The following ADAM33 variants were observed in gnomAD, a reference collection of about 807,000 sequenced individuals.
The protein encoded by ADAM33 is disintegrin and metalloproteinase domain-containing protein 33.
A neutral mutation model predicts 106.2 loss-of-function variants in ADAM33; 103 were observed. The observed-to-expected ratio is 0.97, with a 90% CI of 0.83 to 1.14. ADAM33 has a LOEUF of 1.14. Among genes scored for constraint, ADAM33 ranks in the 50% most tolerant of loss-of-function variants. The pLI is 0.00. For synonymous variants in ADAM33, 483 were observed against 453.0 expected, an observed-to-expected ratio of 1.07 and a Z score of -0.84; for missense variants, 1,120 against 1,096.6, an observed-to-expected ratio of 1.02 and a Z score of -0.30.
At chr20:3,677,859 C>G (rs2088110325) in intron 2 of ADAM33, among the ~76,000 whole-genome samples, 1 of 152,230 alleles carries the variant, frequency 6.6e-6, no homozygotes, top group Non-Finnish European at 1.5e-5. Flanking sequence ...TGGGAACACC[C>G]CACTTCCCCC....
chr20:3,673,642 C>T lies in ADAM33; in HGVS notation c.922G>A (p.Gly308Ser). ...ACGGGCGCCAGGCCCACTGTGGCGC[C>T]CTGGAAGGCGCGGCCCCTGGGGGCG... Reference protein sequence around the residue: ...AQLLTGRAFQGATVGLAPVEG... With the variant: ...AQLLTGRAFQSATVGLAPVEG... The change falls in exon 10 of 22, where the codon GGC (glycine) becomes AGC (serine). Residue 308 changes from glycine (G) to serine (S), a missense_variant. Transcript: ENST00000356518. The T allele has an allele frequency of 7.4e-7, 1 of 1,349,808 alleles. No individual in the cohort carries two copies. Among genetic ancestry groups the T allele is most frequent in the Non-Finnish European group, 9.5e-7 (1 of 1,058,092 alleles). The allele number at this position is 1,349,808 out of a possible 1,614,324, so 83.6% of individuals were successfully genotyped here. A position where few individuals can be genotyped will look rare whatever the true frequency, so the allele number is the denominator to read the frequency against.
rs778258391 is a variant in ADAM33 at position 3,673,506 on chromosome 20, C to T, written c.991-10G>A. 1 of 1,476,776 alleles carries T rather than the reference C, an allele frequency of 6.8e-7. No homozygotes were observed. The highest frequency in any genetic ancestry group is 2.5e-5 in the East Asian group (1 of 39,616). The allele number at this position is 1,476,776 out of a possible 1,614,324, so 91.5% of individuals were successfully genotyped here. A position where few individuals can be genotyped will look rare whatever the true frequency, so the allele number is the denominator to read the frequency against. Reference sequence around the variant, plus strand: ...GGAGCTCCGAGTGGTCCTGGGGGGCCGTGGGAGGGCGGTCACTGCGGCCGT... The same window carrying T: ...GGAGCTCCGAGTGGTCCTGGGGGGCTGTGGGAGGGCGGTCACTGCGGCCGT... On this transcript the variant is annotated splice_polypyrimidine_tract_variant and intron_variant, in intron 10 of 21. Coordinates refer to ENST00000356518, the MANE Select transcript of ADAM33 (RefSeq NM_025220.5).
chr20:3,673,230 C>T (rs1237628560), intron 11 of ADAM33, 124 bp downstream of exon 11: 1 of 1,533,502 alleles, frequency 6.5e-7, no homozygotes. Flanking sequence ...CACCCTGAAG[C>T]GGACACTATG....
chr20:3,673,666 C>A lies in ADAM33; in HGVS notation c.906-8G>T. The A allele has an allele frequency of 7.4e-7, 1 of 1,345,178 alleles. No homozygotes were observed. The highest frequency in any genetic ancestry group is 9.5e-7 in the Non-Finnish European group (1 of 1,055,496). The allele number at this position is 1,345,178 out of a possible 1,614,324, so 83.3% of individuals were successfully genotyped here. ...CCCTGGAAGGCGCGGCCCCTGGGGG[C>A]GGAGCGCGGCGTGACCAGGCGGGGC... On this transcript the variant is annotated splice_region_variant and splice_polypyrimidine_tract_variant and intron_variant, in intron 9 of 21. Coordinates refer to ENST00000356518, the MANE Select transcript of ADAM33 (RefSeq NM_025220.5).
chr20:3,673,937 G>A (rs2087754340), intron 8 of ADAM33, 26 bp from the exon 9 acceptor site: 13 of 1,570,790 alleles, frequency 8.3e-6, no homozygotes, highest in South Asian at 8.2e-5. Context: ...GGCTGAAGCC[G>A]GGACAGGGCG....
intron 16 of ADAM33, 33 bp downstream of exon 16, chr20:3,671,548 A>G: frequency 1.2e-6 from 2 of 1,610,428 alleles, no homozygotes; most frequent in Non-Finnish European, 8.5e-7. Flanking sequence ...CGGGATTCAA[A>G]CGGCAAGGAG....
At chr20:3,669,034 A>T in intron 21 of ADAM33, 34 bp from the exon 22 acceptor site, 1 of 1,612,954 alleles carries the variant, frequency 6.2e-7, no homozygotes, top group South Asian at 1.1e-5. Flanking sequence ...TCCCCTAAGG[A>T]CTGGGGCCCC....
At position 3,674,497 on chromosome 20, in the gene ADAM33, C is replaced by A. The variant is rs779341912; in HGVS notation, c.600+7G>T. On this transcript the variant is annotated splice_region_variant and intron_variant, in intron 6 of 21. Coordinates refer to ENST00000356518, the MANE Select transcript of ADAM33 (RefSeq NM_025220.5). Reference sequence around the variant, plus strand: ...ATTCCCACTCCCATCCGATCGATGCCCCTGACCCTGCTCTGGGGACCACCA... The same window carrying A: ...ATTCCCACTCCCATCCGATCGATGCACCTGACCCTGCTCTGGGGACCACCA... 1 of 1,612,596 alleles carries A rather than the reference C, an allele frequency of 6.2e-7. No homozygotes were observed. Among genetic ancestry groups the A allele is most frequent in the African/African-American group, 1.3e-5 (1 of 74,864 alleles).
At position 3,668,833 on chromosome 20, in the gene ADAM33, A is replaced by C; in HGVS notation, c.*130T>G. On this transcript the variant is annotated 3_prime_UTR_variant, in exon 22 of 22. Coordinates refer to ENST00000356518, the MANE Select transcript of ADAM33 (RefSeq NM_025220.5). ...GGTGGGTCGAAGCTCCACTCGGGGA[A>C]GAAACTTCCAAGCTGCCTGCAGGTG... 8.7e-7 allele frequency: 1 copy of C among 1,151,194 alleles called. No homozygotes were observed. The highest frequency in any genetic ancestry group is 2.4e-5 in the East Asian group (1 of 42,170). 71.3% of individuals were successfully genotyped at this position (1,151,194 alleles called of 1,614,324 possible).
At position 3,672,121 on chromosome 20, in the gene ADAM33, C is replaced by T. The variant is rs748487562; in HGVS notation, c.1597+13G>A. 3.1e-6 allele frequency: 5 copies of T among 1,605,628 alleles called. No homozygotes were observed. Among genetic ancestry groups the T allele is most frequent in the African/African-American group, 1.3e-5 (1 of 74,838 alleles). On this transcript the variant is annotated intron_variant, in intron 14 of 21. Coordinates refer to ENST00000356518, the MANE Select transcript of ADAM33 (RefSeq NM_025220.5). ...ATGGGGGGCAGGGTGCAAGGGTGCT[C>T]GTGTCCTCTCACCAGGCCCCCAGAG...
rs551275447 is a variant in ADAM33 at position 3,669,723 on chromosome 20, G to A, written c.2241-86C>T. ...CCCCGCAGCATGGTGTCCAGCCCAG[G>A]GAGTTCTGCGTTTACTGAGTTTCTT... On this transcript the variant is annotated intron_variant, in intron 19 of 21. Coordinates refer to ENST00000356518, the MANE Select transcript of ADAM33 (RefSeq NM_025220.5). The A allele has an allele frequency of 7.3e-5, 91 of 1,243,878 alleles. 2 individuals carry two copies. In the South Asian group the frequency reaches 1.1e-3, roughly 15 times the overall value. 77.1% of individuals were successfully genotyped at this position (1,243,878 alleles called of 1,614,324 possible).
chr20:3,672,474 A>G, intron 13 of ADAM33, 63 bp downstream of exon 13: 1 of 1,592,528 alleles, frequency 6.3e-7, no homozygotes, highest in Non-Finnish European at 8.6e-7. Flanking sequence ...CCAATTAACT[A>G]AGGCCAACAG....
intron 1 of ADAM33, 58 bp downstream of exon 1, chr20:3,681,850 C>T: frequency 6.4e-7 from 1 of 1,566,874 alleles, no homozygotes; most frequent in Non-Finnish European, 8.6e-7. Context: ...GAACCCATCC[C>T]CGCCACCACC....
In ADAM33 at chr20:3,673,416, G is replaced by C. The variant is rs1453593517; in HGVS notation, c.1071C>G (p.Pro357=). The C allele has an allele frequency of 1.9e-6, 3 of 1,565,850 alleles. No individual in the cohort carries two copies. Among genetic ancestry groups the C allele is most frequent in the African/African-American group, 2.7e-5 (2 of 74,258 alleles). Residue 357 remains proline, a synonymous_variant, in exon 11 of 22, where the codon CCC becomes CCG. Coordinates refer to ENST00000356518, the MANE Select transcript of ADAM33 (RefSeq NM_025220.5). ...CCGCAGCCTCCACGCAGCAGCCGTC[G>C]GGGTCGTGGCTGAGGCCGAGGCTGT... ...IGHSLGLSHD[P]DGCCVEAAAE...
chr20:3,680,191 G>C (rs941060989), intron 1 of ADAM33, among the ~76,000 whole-genome samples: 1 of 152,044 alleles, frequency 6.6e-6, no homozygotes, highest in Non-Finnish European at 1.5e-5. Context: ...GGGGGCTCTA[G>C]GAGGAATCCC....
At chr20:3,673,978 G>T (rs914311799) in intron 8 of ADAM33, 67 bp from the exon 9 acceptor site, 2 of 1,599,758 alleles carry the variant, frequency 1.3e-6, no homozygotes, top group Non-Finnish European at 1.7e-6. Flanking sequence ...TTCGTGGGGC[G>T]CCCTTCCTCT....
Position 3,674,119 on chromosome 20 carries a change from C to T in ADAM33, c.683G>A (p.Arg228Gln), listed in dbSNP as rs748225311. Residue 228 changes from arginine to glutamine, a missense_variant, in exon 8 of 22, where the codon CGA becomes CAA. Arg to Gln is a conservative substitution (Grantham distance 43, BLOSUM62 1). Transcript: ENST00000356518. The part of the protein sequence containing the change: ...ADHTLFLTRH[R>Q]NLNHTKQRLL... ...ACGCTGTTTGGTGTGGTTCAAGTTT[C>T]GGTGCCGAGTCAAGAACTGGGAAGG... is the stretch of plus-strand genomic sequence containing the variant. 1 of 1,614,176 alleles carries T rather than the reference C, an allele frequency of 6.2e-7. No individual in the cohort carries two copies. Among genetic ancestry groups the T allele is most frequent in the South Asian group, 1.1e-5 (1 of 91,090 alleles).
chr20:3,670,903 T>TG, intron 19 of ADAM33, 103 bp downstream of exon 19: 1 of 1,419,724 alleles, frequency 7.0e-7, no homozygotes. Flanking sequence ...TCTCTGCACC[T>TG]GGGGGCAAGG....
Position 3,674,663 on chromosome 20 carries a change from G to C in ADAM33, c.441C>G (p.Ser147Arg). 2 of 1,611,412 alleles carry C rather than the reference G, an allele frequency of 1.2e-6. No individual in the cohort carries two copies. Among genetic ancestry groups the C allele is most frequent in the Middle Eastern group, 1.7e-4 (1 of 6,036 alleles). Residue 147 changes from serine to arginine, a missense_variant, in exon 6 of 22, where the codon AGC becomes AGG. Transcript: ENST00000356518. Reference protein sequence around the residue: ...SGLITLSRNASYYLRPWPPRG... With the variant: ...SGLITLSRNARYYLRPWPPRG... The stretch of plus-strand genomic sequence containing the variant: ...GGGGTGGCCAGGGACGCAGATAATA[G>C]CTGGCATTCCTGCTGAGGGTGATCA...
Sources: gnomAD v4.1 joint callset for allele counts (sites outside exome capture counted in the v4.1 genomes callset) on GRCh38, gnomAD v4.1.1 for gene constraint, MANE v1.5 for transcripts, NCBI Gene and HGNC (gene_info 2026-07-23, HGNC 2026-07-21) for gene names.